Variants in CEP164 observed in about 807,000 individuals in gnomAD.
The protein encoded by CEP164 is centrosomal protein 164, also known as centrosomal protein of 164 kDa.
CEP164 carries 162 observed loss-of-function variants against 182.7 expected under a neutral mutation model. The ratio of observed to expected loss-of-function variants is 0.89; its 90% CI spans 0.78 to 1.01. The LOEUF is 1.01. Ranked by LOEUF, CEP164 falls within the 50% of genes least tolerant of loss-of-function variation. CEP164 has a pLI of 0.00. For synonymous variants in CEP164, 661 were observed against 690.0 expected, an observed-to-expected ratio of 0.96 and a Z score of 0.66; for missense variants, 1,735 against 1,790.4, an observed-to-expected ratio of 0.97 and a Z score of 0.56.
intron 27 of CEP164, among the ~76,000 whole-genome samples, chr11:117,403,078 G>C (rs1368286099): frequency 6.6e-6 from 1 of 152,162 alleles, no homozygotes; most frequent in Non-Finnish European, 1.5e-5. Context: ...ACACGAGGTG[G>C]GTCTCCTGAA....
chr11:117,387,224 T>A lies in CEP164; in HGVS notation c.1746T>A (p.Ala582=), dbSNP rs768799808. 6.2e-7 allele frequency: 1 copy of A among 1,613,832 alleles called. No homozygotes were observed. Among genetic ancestry groups the A allele is most frequent in the African/African-American group, 1.3e-5 (1 of 74,856 alleles). ...GTAGGCGATCCACAGAGCCTGTGGC[T>A]CCCCCAGAGCAGCTCTCAGAGGCTG... is the stretch of plus-strand genomic sequence containing the variant. ...SPEVRSTEPV[A]PPEQLSEAAL... The change falls in exon 15 of 33, where the codon GCT becomes GCA. Residue 582 remains alanine, a synonymous_variant. Coordinates refer to ENST00000278935, the MANE Select transcript of CEP164 (RefSeq NM_014956.5).
At chr11:117,334,031 C>T (rs1257239551) in intron 1 of CEP164, among the ~76,000 whole-genome samples, 1 of 152,194 alleles carries the variant, frequency 6.6e-6, no homozygotes, top group African/African-American at 2.4e-5. Flanking sequence ...TCAGTGTAGG[C>T]ATCATCTAAA....
chr11:117,396,860 C>T (rs956074853), intron 26 of CEP164, among the ~76,000 whole-genome samples: 1 of 152,236 alleles, frequency 6.6e-6, no homozygotes, highest in Non-Finnish European at 1.5e-5. Context: ...GGTCATCTAT[C>T]TGGAGGCCCC....
intron 4 of CEP164, 126 bp downstream of exon 4, chr11:117,344,403 G>T: frequency 1.6e-6 from 1 of 625,340 alleles, no homozygotes. Context: ...ACAGTACTGT[G>T]CCACCCCTCT....
chr11:117,352,028 G>A, intron 5 of CEP164, 40 bp downstream of exon 5: 3 of 1,519,098 alleles, frequency 2.0e-6, no homozygotes, highest in Non-Finnish European at 2.7e-6. Context: ...GGCCAGGGCT[G>A]AAATCTGGAG....
intron 2 of CEP164, among the ~76,000 whole-genome samples, chr11:117,337,694 GCCT>G (rs1427796868): frequency 2.4e-4 from 37 of 152,052 alleles, no homozygotes; most frequent in African/African-American, 8.5e-4. Flanking sequence ...CTGGGCAGCA[GCCT>G]CCTCAGGTGG....
At chr11:117,333,653 C>G (rs1367520634) in intron 1 of CEP164, among the ~76,000 whole-genome samples, 3 of 152,086 alleles carry the variant, frequency 2.0e-5, no homozygotes, top group African/African-American at 7.2e-5. Flanking sequence ...CTCAGTCTCC[C>G]CTGTAGCTGG....
chr11:117,327,459 C>CT (rs760601571), upstream of CEP164, among the ~76,000 whole-genome samples: 5,951 of 122,584 alleles, frequency 0.049, 270 homozygotes, highest in South Asian at 0.16. Flanking sequence ...TCGGGGTCCT[C>CT]TTTTTTTTTT....
At chr11:117,363,685 C>T (rs1161884594) in intron 8 of CEP164, among the ~76,000 whole-genome samples, 179 bp downstream of exon 8, 1 of 151,382 alleles carries the variant, frequency 6.6e-6, no homozygotes, top group Non-Finnish European at 1.5e-5. Context: ...GATTCCTGTC[C>T]CTTCCAGACC....
At chr11:117,380,426 A>G (rs1166476757) in intron 11 of CEP164, among the ~76,000 whole-genome samples, 188 bp from the exon 12 acceptor site, 1 of 152,116 alleles carries the variant, frequency 6.6e-6, no homozygotes, top group Non-Finnish European at 1.5e-5. Flanking sequence ...AGCAGCTGTG[A>G]ACCTAGCCAA....
At chr11:117,393,242 T>G in intron 20 of CEP164, 116 bp downstream of exon 20, 1 of 1,426,658 alleles carries the variant, frequency 7.0e-7, no homozygotes, top group East Asian at 2.8e-5. Flanking sequence ...CCGGGGTCCT[T>G]CCCACCTGGC....
chr11:117,364,565 CTTT>C (rs11356062), intron 8 of CEP164, among the ~76,000 whole-genome samples: 6 of 135,614 alleles, frequency 4.4e-5, no homozygotes, highest in Non-Finnish European at 4.8e-5. Context: ...TTGGACAGGG[CTTT>C]TTTTTTTTTT....
At chr11:117,348,212 T>C (rs2039187511) in intron 4 of CEP164, among the ~76,000 whole-genome samples, 1 of 152,096 alleles carries the variant, frequency 6.6e-6, no homozygotes, top group African/African-American at 2.4e-5. Context: ...GCTCAAGCAA[T>C]TTGCCTGCCT....
intron 5 of CEP164, among the ~76,000 whole-genome samples, chr11:117,360,422 G>A (rs1189255269): frequency 2.4e-4 from 37 of 152,174 alleles, no homozygotes; most frequent in Admixed American, 2.4e-3. Flanking sequence ...CCAGACTGGA[G>A]TACAGTGGTG....
In CEP164 at chr11:117,391,688, A is replaced by G. The variant is rs182662265; in HGVS notation, c.2283+473A>G. ...CCTTTCTTAGGATGAGAGGCTAGCA[A>G]TATAGCAAGGATTTTCTCTTTGTCC... On this transcript the variant is annotated intron_variant, in intron 17 of 32. Transcript: ENST00000278935. Among the ~76,000 whole-genome samples the G allele has an allele frequency of 2.0e-5, 3 of 152,224 alleles. No homozygotes were observed. The East Asian group carries it at 5.8e-4, about 29-fold the overall frequency.
At chr11:117,379,693 G>A (rs1265673423) in intron 11 of CEP164, among the ~76,000 whole-genome samples, 1 of 152,046 alleles carries the variant, frequency 6.6e-6, no homozygotes, top group African/African-American at 2.4e-5. Flanking sequence ...ATACAGTGGA[G>A]GAGACAGACT....
chr11:117,341,087 A>G (rs1415152965), intron 3 of CEP164, among the ~76,000 whole-genome samples: 1 of 152,214 alleles, frequency 6.6e-6, no homozygotes, highest in African/African-American at 2.4e-5. Context: ...TCGGCCTCCC[A>G]AAGTGCTGGG....
chr11:117,336,357 A>T, intron 2 of CEP164: 2 of 1,439,872 alleles, frequency 1.4e-6, no homozygotes, highest in South Asian at 2.3e-5. Flanking sequence ...GAGCCAAGAG[A>T]TTCACAGGAG....
At chr11:117,381,636 C>T (rs2043325341) in intron 12 of CEP164, 65 bp from the exon 13 acceptor site, 3 of 1,534,540 alleles carry the variant, frequency 2.0e-6, no homozygotes, top group Non-Finnish European at 2.6e-6. Flanking sequence ...CACTGTACTC[C>T]CCAGTTCTCT....
Sources: gnomAD v4.1 joint callset for allele counts (sites outside exome capture counted in the v4.1 genomes callset) on GRCh38, gnomAD v4.1.1 for gene constraint, MANE v1.5 for transcripts, NCBI Gene and HGNC (gene_info 2026-07-23, HGNC 2026-07-21) for gene names.